Variants in FKBP1B observed in about 807,000 individuals in gnomAD.
FKBP1B encodes peptidyl-prolyl cis-trans isomerase FKBP1B.
FKBP1B carries 4 observed loss-of-function variants against 13.5 expected under a neutral mutation model. The ratio of observed to expected loss-of-function variants is 0.30; its 90% CI spans 0.15 to 0.68. The LOEUF is 0.68. Ranked by LOEUF, FKBP1B falls within the 30% of genes least tolerant of loss-of-function variation. The probability of loss-of-function intolerance (pLI) is 0.76; values close to 1 mark genes in which losing one functional copy is unlikely to be tolerated. For missense variants in FKBP1B, 93 were observed against 136.2 expected (o/e 0.68, Z 1.58); for synonymous variants, 54 against 53.6 (o/e 1.01, Z -0.03).
At chr2:24,047,748 A>T (rs1295664113), upstream of FKBP1B, among the ~76,000 whole-genome samples, 3 of 152,072 alleles carry the variant, frequency 2.0e-5, no homozygotes, top group Non-Finnish European at 4.4e-5. Flanking sequence ...ATCTGATAAA[A>T]TCTCTCAGGA....
chr2:24,040,317 A>G, the FKBP1B span, among the ~76,000 whole-genome samples: 1 of 152,250 alleles, frequency 6.6e-6, no homozygotes, highest in Non-Finnish European at 1.5e-5. Flanking sequence ...GTCTAGATTG[A>G]GGCTATGTTA....
chr2:24,049,933 G>C, intron 1 of FKBP1B, 47 bp downstream of exon 1: 1 of 1,346,982 alleles, frequency 7.4e-7, no homozygotes, highest in Non-Finnish European at 9.6e-7. Flanking sequence ...GTCCCGGGGC[G>C]GAGCCCGGAG....
chr2:24,045,006 C>T (rs1663567716), upstream of FKBP1B, among the ~76,000 whole-genome samples: 1 of 152,064 alleles, frequency 6.6e-6, no homozygotes, highest in Non-Finnish European at 1.5e-5. Flanking sequence ...AAAGGGCATG[C>T]TGAGGAATTT....
chr2:24,054,030 C>A, intron 2 of FKBP1B, 81 bp downstream of exon 2: 1 of 1,368,090 alleles, frequency 7.3e-7, no homozygotes, highest in Non-Finnish European at 1.0e-6. Context: ...TCCAGAGGTG[C>A]CTGCCTCTGG....
At chr2:24,058,499 A>C (rs1664239417) in intron 2 of FKBP1B, among the ~76,000 whole-genome samples, 3 of 152,360 alleles carry the variant, frequency 2.0e-5, no homozygotes, top group African/African-American at 7.2e-5. Context: ...GTTTTGGCTT[A>C]ACTTGTAGCA....
intron 2 of FKBP1B, chr2:24,054,224 T>C (rs1171098500): frequency 3.2e-6 from 2 of 629,164 alleles, no homozygotes; most frequent in South Asian, 1.8e-5. Context: ...CCCTTCCTTC[T>C]GTTGCAGGTA....
chr2:24,040,322 AT>A, the FKBP1B span, among the ~76,000 whole-genome samples: 1 of 152,256 alleles, frequency 6.6e-6, no homozygotes, highest in Non-Finnish European at 1.5e-5. Flanking sequence ...GATTGAGGCT[AT>A]GTTAGTATTT....
At chr2:24,046,408 G>A (rs181069232), upstream of FKBP1B, among the ~76,000 whole-genome samples, 3 of 152,292 alleles carry the variant, frequency 2.0e-5, no homozygotes, top group Admixed American at 6.5e-5. Flanking sequence ...AATCTCCAGA[G>A]TATAAGTTTT....
intron 2 of FKBP1B, among the ~76,000 whole-genome samples, chr2:24,059,374 G>GGGGA (rs201316019): frequency 1.4e-5 from 2 of 145,922 alleles, no homozygotes; most frequent in African/African-American, 4.9e-5. Flanking sequence ...CCAGCACCTG[G>GGGGA]GGGGGGGTTC....
the FKBP1B span, among the ~76,000 whole-genome samples, chr2:24,042,353 C>T: frequency 2.0e-5 from 3 of 151,828 alleles, no homozygotes; most frequent in African/African-American, 4.8e-5. Flanking sequence ...CTGGCTAACA[C>T]GGTGAAACCC....
At chr2:24,051,922 A>T (rs1031714479) in intron 1 of FKBP1B, among the ~76,000 whole-genome samples, 4 of 151,728 alleles carry the variant, frequency 2.6e-5, no homozygotes, top group Admixed American at 2.0e-4. Flanking sequence ...TCATCTGCCT[A>T]CTTGCAATAT....
upstream of FKBP1B, among the ~76,000 whole-genome samples, chr2:24,045,631 G>GAGAGGAAGGAAGGAAGGAAGGAAGGA (rs1553318652): frequency 1.4e-3 from 145 of 106,024 alleles, no homozygotes; most frequent in Non-Finnish European, 1.8e-3. Context: ...GAGAGAGAGA[G>GAGAGGAAGGAAGGAAGGAAGGAAGGA]AGGAAGGAAG....
chr2:24,035,792 C>T, the FKBP1B span, among the ~76,000 whole-genome samples: 7 of 151,374 alleles, frequency 4.6e-5, no homozygotes, highest in Non-Finnish European at 7.4e-5. Flanking sequence ...AAAATTAGGC[C>T]GGGCGCAGTG....
In FKBP1B at chr2:24,058,869, C is replaced by G. The variant is rs185060365; in HGVS notation, c.86-1945C>G. Among the ~76,000 whole-genome samples, 537 of 152,298 alleles carry G rather than the reference C, an allele frequency of 3.5e-3. 3 individuals are homozygous for G. The highest frequency in any genetic ancestry group is 4.7e-3 in the Non-Finnish European group (319 of 68,016). On this transcript the variant is annotated intron_variant, in intron 2 of 3. Transcript: ENST00000380986. ...TCCATCTGCATGTACCTCTGTGTAG[C>G]CAGAAGGGTTTTCTTCTTTGCCTCA...
chr2:24,046,113 G>A (rs1430897901), upstream of FKBP1B, among the ~76,000 whole-genome samples: 1 of 151,852 alleles, frequency 6.6e-6, no homozygotes. Flanking sequence ...GACCCTGTTG[G>A]GGAGGTGGGG....
chr2:24,055,806 G>T (rs1340012653), intron 2 of FKBP1B, among the ~76,000 whole-genome samples: 1 of 152,164 alleles, frequency 6.6e-6, no homozygotes, highest in East Asian at 1.9e-4. Flanking sequence ...CATGTGTACA[G>T]ACATATGTGC....
At chr2:24,042,630 AC>A in the FKBP1B span, among the ~76,000 whole-genome samples, 1 of 150,546 alleles carries the variant, frequency 6.6e-6, no homozygotes, top group Admixed American at 6.6e-5. Flanking sequence ...AATCGCTTGA[AC>A]CCGGGAGGTG....
At chr2:24,039,254 G>A in the FKBP1B span, 1 of 1,614,230 alleles carries the variant, frequency 6.2e-7, no homozygotes, top group South Asian at 1.1e-5. Context: ...TGCTTCTCAT[G>A]CTGGACAGCG....
chr2:24,041,480 A>C, the FKBP1B span, among the ~76,000 whole-genome samples: 1 of 152,044 alleles, frequency 6.6e-6, no homozygotes, highest in Non-Finnish European at 1.5e-5. Context: ...AAAGACACAA[A>C]GATATATAGG....
Sources: allele counts gnomAD v4.1 joint callset (sites outside exome capture counted in the v4.1 genomes callset), GRCh38; gene constraint gnomAD v4.1.1; transcripts MANE v1.5; gene names NCBI Gene and HGNC (gene_info 2026-07-23, HGNC 2026-07-21).